Variants in PHLPP2 observed in about 807,000 individuals in gnomAD.
PHLPP2 encodes the protein PH domain and leucine rich repeat protein phosphatase 2.
Under a neutral mutation model 124.9 loss-of-function variants are expected in PHLPP2, and 66 were observed. The observed-to-expected ratio is 0.53, with a 90% CI of 0.43 to 0.65. The LOEUF (loss-of-function observed/expected upper bound fraction) is 0.65, where lower values mean the gene tolerates loss of function less well. PHLPP2 is among the 30% of genes least tolerant of loss of function. The probability of loss-of-function intolerance (pLI) is 0.00; values close to 1 mark genes in which losing one functional copy is unlikely to be tolerated. For synonymous variants in PHLPP2, 681 were observed against 624.7 expected (o/e 1.09, Z -1.34); for missense variants, 1,685 against 1,600.4 (o/e 1.05, Z -0.90).
intron 13 of PHLPP2, among the ~76,000 whole-genome samples, chr16:71,663,291 T>C (rs922442654): frequency 8.5e-5 from 13 of 152,194 alleles, no homozygotes; most frequent in African/African-American, 2.9e-4. Context: ...TTTTGTAGTT[T>C]TAGTAGAGAT....
intron 2 of PHLPP2, among the ~76,000 whole-genome samples, chr16:71,713,932 AAC>A (rs1555549147): frequency 2.0e-5 from 3 of 148,654 alleles, no homozygotes; most frequent in Non-Finnish European, 4.5e-5. Context: ...TCAAAAAAAA[AAC>A]AACAACTTTT....
At chr16:71,674,268 G>A (rs2044923380) in intron 9 of PHLPP2, among the ~76,000 whole-genome samples, 2 of 151,842 alleles carry the variant, frequency 1.3e-5, no homozygotes, top group Admixed American at 1.3e-4. Flanking sequence ...TAGTAGAGAT[G>A]GGGTTTCACC....
chr16:71,709,514 G>A (rs1041618076), intron 2 of PHLPP2, among the ~76,000 whole-genome samples: 1 of 152,178 alleles, frequency 6.6e-6, no homozygotes, highest in South Asian at 2.1e-4. Context: ...ATCAGCCAAA[G>A]GGCAATCCAT....
intron 4 of PHLPP2, among the ~76,000 whole-genome samples, chr16:71,685,945 C>T (rs1003365034): frequency 6.6e-5 from 10 of 152,088 alleles, no homozygotes; most frequent in African/African-American, 2.4e-4. Context: ...TGTAATGAGT[C>T]TCTTTATCCT....
At chr16:71,685,892 G>C (rs2045050918) in intron 4 of PHLPP2, among the ~76,000 whole-genome samples, 2 of 151,978 alleles carry the variant, frequency 1.3e-5, no homozygotes, top group Admixed American at 1.3e-4. Context: ...ATATAACTTT[G>C]GAATTATTAA....
intron 3 of PHLPP2, among the ~76,000 whole-genome samples, chr16:71,694,055 G>A (rs34161748): frequency 0.33 from 50,773 of 151,816 alleles, 9,400 homozygotes; most frequent in East Asian, 0.76. Context: ...TTAGCTGGGC[G>A]TGGTAGCAGG....
At chr16:71,699,551 T>C (rs2045207888) in intron 3 of PHLPP2, among the ~76,000 whole-genome samples, 1 of 152,188 alleles carries the variant, frequency 6.6e-6, no homozygotes, top group Admixed American at 6.5e-5. Context: ...CATCATTCAA[T>C]AAAATTCTCC....
intron 1 of PHLPP2, chr16:71,723,722 TGCCCGCTCGCCCGCTC>T (rs746332337): frequency 2.1e-6 from 2 of 953,716 alleles, no homozygotes; most frequent in African/African-American, 1.8e-5. Context: ...CTAGTCCGCT[TGCCCGCTCGCCCGCTC>T]GCTCGCTCGC....
At position 71,650,085 on chromosome 16, in the gene PHLPP2, G is replaced by A. The variant is rs555796455; in HGVS notation, c.2818-41C>T. On this transcript the variant is annotated intron_variant, in intron 18 of 18. Transcript: ENST00000568954. The stretch of plus-strand genomic sequence containing the variant: ...ACACAAATTCTGAGAAACAAGCAAC[G>A]ATGAGAGCCAACTTATCTTTCTAGA... 4.8e-4 allele frequency: 711 copies of A among 1,479,780 alleles called. 10 individuals are homozygous for A. The South Asian group carries it at 7.6e-3, about 16-fold the overall frequency. The allele number at this position is 1,479,780 out of a possible 1,614,324, so 91.7% of individuals were successfully genotyped here.
At chr16:71,664,948 G>A (rs1467764499) in intron 12 of PHLPP2, among the ~76,000 whole-genome samples, 1 of 152,148 alleles carries the variant, frequency 6.6e-6, no homozygotes, top group Non-Finnish European at 1.5e-5. Flanking sequence ...GAATTTGTGG[G>A]ATCAAAGGAT....
At chr16:71,702,556 C>A (rs1430785626) in intron 3 of PHLPP2, 42 bp downstream of exon 3, 1 of 1,549,710 alleles carries the variant, frequency 6.5e-7, no homozygotes, top group East Asian at 2.3e-5. Context: ...AAATGATCAA[C>A]CTAAAAGTAG....
At chr16:71,665,796 T>C (rs1011113726) in intron 12 of PHLPP2, among the ~76,000 whole-genome samples, 1 of 152,224 alleles carries the variant, frequency 6.6e-6, no homozygotes, top group African/African-American at 2.4e-5. Context: ...TAACAAACAT[T>C]TGTAGATTAA....
intron 10 of PHLPP2, among the ~76,000 whole-genome samples, chr16:71,669,736 A>T (rs959934807): frequency 1.3e-5 from 2 of 152,234 alleles, no homozygotes; most frequent in Admixed American, 1.3e-4. Flanking sequence ...ACAGGTAATG[A>T]CTGGGTGAGA....
At chr16:71,691,225 C>T (rs1051189001) in intron 3 of PHLPP2, among the ~76,000 whole-genome samples, 4 of 152,064 alleles carry the variant, frequency 2.6e-5, no homozygotes, top group Non-Finnish European at 5.9e-5. Flanking sequence ...GGGGCCAAGG[C>T]GGGCATATCA....
chr16:71,655,527 G>A (rs2044734998), intron 16 of PHLPP2, 93 bp from the exon 17 acceptor site: 1 of 890,334 alleles, frequency 1.1e-6, no homozygotes, highest in South Asian at 1.7e-5. Context: ...TTTTGAGAGG[G>A]AGTCTTGCAC....
Position 71,663,908 on chromosome 16 carries a change from A to G in PHLPP2, c.1976T>C (p.Phe659Ser), listed in dbSNP as rs745609331. Residue 659 changes from phenylalanine (F) to serine (S), a missense_variant, in exon 13 of 19, where the codon TTT (phenylalanine) becomes TCT (serine). Phe to Ser is a radical substitution (Grantham distance 155, BLOSUM62 -2). Coordinates refer to ENST00000568954, the MANE Select transcript of PHLPP2 (RefSeq NM_015020.3). ...TTTGCATTCATTTTACCTTGCAGGA[A>G]AGGTCTGTAACTGATTGTTTGCAAG... ...LHLANNQLQT[F>S]PASKLNKLEQ... 6.2e-7 allele frequency: 1 copy of G among 1,612,946 alleles called. No homozygotes were observed. Among genetic ancestry groups the G allele is most frequent in the South Asian group, 1.1e-5 (1 of 91,068 alleles).
rs202058134 is a variant in PHLPP2, at chr16:71,714,282, A to T, written c.284+230T>A. Among the ~76,000 whole-genome samples, 52 of 152,302 alleles carry T rather than the reference A, an allele frequency of 3.4e-4. No individual in the cohort carries two copies. The East Asian group carries it at 9.8e-3, about 29-fold the overall frequency. ...AAAATACTTATTTTTAAATTTAGAT[A>T]TCTGACCTATGGTGTATTCCAAATC... On this transcript the variant is annotated intron_variant, in intron 2 of 18. Transcript: ENST00000568954.
chr16:71,695,727 A>G (rs1446653990), intron 3 of PHLPP2, among the ~76,000 whole-genome samples: 2 of 148,140 alleles, frequency 1.4e-5, no homozygotes, highest in African/African-American at 2.5e-5. Flanking sequence ...AAAAAAAAAA[A>G]GAAATGCATA....
At chr16:71,716,395 C>A (rs1187482868) in intron 1 of PHLPP2, among the ~76,000 whole-genome samples, 2 of 151,710 alleles carry the variant, frequency 1.3e-5, no homozygotes, top group African/African-American at 2.4e-5. Flanking sequence ...TGCCCTGTTT[C>A]AAAAAAAATT....
Sources: gnomAD v4.1 joint callset for allele counts (sites outside exome capture counted in the v4.1 genomes callset) on GRCh38, gnomAD v4.1.1 for gene constraint, MANE v1.5 for transcripts, NCBI Gene and HGNC (gene_info 2026-07-23, HGNC 2026-07-21) for gene names.